CSNK1G1: variants seen among roughly 807,000 people sequenced by gnomAD.
CSNK1G1 encodes the protein casein kinase 1 gamma 1.
CSNK1G1 carries 22 observed loss-of-function variants against 59.6 expected under a neutral mutation model. The ratio of observed to expected loss-of-function variants is 0.37; its 90% CI spans 0.26 to 0.53. The LOEUF (loss-of-function observed/expected upper bound fraction) is 0.53, where lower values mean the gene tolerates loss of function less well. Ranked by LOEUF, CSNK1G1 falls within the 20% of genes least tolerant of loss-of-function variation. The probability of loss-of-function intolerance (pLI) is 0.89; values close to 1 mark genes in which losing one functional copy is unlikely to be tolerated. For missense variants in CSNK1G1, 384 were observed against 519.5 expected, an observed-to-expected ratio of 0.74 and a Z score of 2.54; for synonymous variants, 179 against 177.1, an observed-to-expected ratio of 1.01 and a Z score of -0.08.
At chr15:64,308,668 G>A (rs1057286871) in intron 1 of CSNK1G1, among the ~76,000 whole-genome samples, 8 of 151,932 alleles carry the variant, frequency 5.3e-5, no homozygotes, top group African/African-American at 7.3e-5. Context: ...AGGCCGAGGC[G>A]GGTGGATCAC....
At chr15:64,325,632 T>C (rs1431000919) in intron 1 of CSNK1G1, among the ~76,000 whole-genome samples, 1 of 152,208 alleles carries the variant, frequency 6.6e-6, no homozygotes, top group Non-Finnish European at 1.5e-5. Flanking sequence ...TTAACTATTA[T>C]AACTTTAGGC....
intron 4 of CSNK1G1, among the ~76,000 whole-genome samples, chr15:64,247,777 T>C (rs1891835024): frequency 6.6e-6 from 1 of 152,164 alleles, no homozygotes; most frequent in African/African-American, 2.4e-5. Flanking sequence ...CTGAAGAAAA[T>C]GGTCATAGTC....
Position 64,166,105 on chromosome 15 carries a change from G to C in CSNK1G1, c.*5826C>G, listed in dbSNP as rs1412679366. 1 of 599,744 alleles carries C rather than the reference G, an allele frequency of 1.7e-6. No individual in the cohort carries two copies. The highest frequency in any genetic ancestry group is 3.0e-5 in the East Asian group (1 of 33,408). The allele number at this position is 599,744 out of a possible 1,614,324, so 37.2% of individuals were successfully genotyped here. A position where few individuals can be genotyped will look rare whatever the true frequency, so the allele number is the denominator to read the frequency against. On this transcript the variant is annotated 3_prime_UTR_variant, in exon 12 of 12. Transcript: ENST00000303052. This position sits in a 1 kb window ranked among gnomAD's most constrained non-coding sequence, Gnocchi z 4.5. ...TCTAAAAAAAAAAAAAGTAAAAAAA[G>C]AGGCATTTAACAATAATCAGACACA... is the stretch of plus-strand genomic sequence containing the variant.
At chr15:64,333,876 T>C (rs1251629024) in intron 1 of CSNK1G1, among the ~76,000 whole-genome samples, 1 of 152,158 alleles carries the variant, frequency 6.6e-6, no homozygotes, top group East Asian at 1.9e-4. Flanking sequence ...ATGTACCTAA[T>C]TCTGGAGCAT....
chr15:64,232,113 G>A (rs1471281283), intron 4 of CSNK1G1, among the ~76,000 whole-genome samples: 1 of 152,164 alleles, frequency 6.6e-6, no homozygotes, highest in Non-Finnish European at 1.5e-5. Flanking sequence ...ATAAAGAAAA[G>A]AAAATGCAGA....
chr15:64,225,753 A>G (rs1299809460), intron 4 of CSNK1G1, among the ~76,000 whole-genome samples: 1 of 152,098 alleles, frequency 6.6e-6, no homozygotes, highest in Non-Finnish European at 1.5e-5. Context: ...CAGCCTCCCA[A>G]GTAACTGGGA....
chr15:64,334,479 A>G (rs995021870), intron 1 of CSNK1G1, among the ~76,000 whole-genome samples: 5 of 152,138 alleles, frequency 3.3e-5, no homozygotes, highest in African/African-American at 1.2e-4. Flanking sequence ...TTATTATTAC[A>G]TTGTACTATG....
At chr15:64,291,836 T>C (rs2140386395) in intron 2 of CSNK1G1, among the ~76,000 whole-genome samples, 1 of 152,250 alleles carries the variant, frequency 6.6e-6, no homozygotes, top group African/African-American at 2.4e-5. Flanking sequence ...CTGCTTTAGA[T>C]AGTATTCATC....
At chr15:64,235,922 G>A (rs751209670) in intron 4 of CSNK1G1, among the ~76,000 whole-genome samples, 13 of 152,026 alleles carry the variant, frequency 8.6e-5, no homozygotes, top group Non-Finnish European at 1.3e-4. Flanking sequence ...CTATCCATAG[G>A]GAACATAACA....
intron 1 of CSNK1G1, among the ~76,000 whole-genome samples, chr15:64,338,871 G>C (rs914795385): frequency 6.6e-6 from 1 of 151,878 alleles, no homozygotes; most frequent in African/African-American, 2.4e-5. Context: ...TACAAAATTA[G>C]CCAAGGATGG....
At chr15:64,243,062 G>A (rs1441459770) in intron 4 of CSNK1G1, among the ~76,000 whole-genome samples, 3 of 152,036 alleles carry the variant, frequency 2.0e-5, no homozygotes, top group Admixed American at 6.6e-5. Context: ...TCGGCTGGGC[G>A]CGGTGGCTCT....
chr15:64,336,010 G>A (rs796550553), intron 1 of CSNK1G1: 1 of 152,238 alleles, frequency 6.6e-6, no homozygotes, highest in African/African-American at 2.4e-5. Flanking sequence ...AATTTATGGA[G>A]CATGAATGAA....
At chr15:64,278,585 C>A (rs554153249) in intron 2 of CSNK1G1, among the ~76,000 whole-genome samples, 1 of 152,120 alleles carries the variant, frequency 6.6e-6, no homozygotes, top group Non-Finnish European at 1.5e-5. Flanking sequence ...CAGGCCACCA[C>A]ACCTGGCTAA....
At chr15:64,283,639 G>A (rs539482716) in intron 2 of CSNK1G1, among the ~76,000 whole-genome samples, 6 of 146,308 alleles carry the variant, frequency 4.1e-5, no homozygotes, top group African/African-American at 1.3e-4. Flanking sequence ...GCACACCAAC[G>A]CACCCAGCTA....
chr15:64,331,906 A>C (rs1897130345), intron 1 of CSNK1G1, among the ~76,000 whole-genome samples: 2 of 149,422 alleles, frequency 1.3e-5, no homozygotes, highest in South Asian at 2.1e-4. Context: ...TTATGCAGCC[A>C]AAAAACACAT....
At position 64,281,040 on chromosome 15, in the gene CSNK1G1, C is replaced by T. The variant is rs142991373; in HGVS notation, c.181+19279G>A. 2.2e-4 allele frequency among the ~76,000 whole-genome samples: 33 copies of T among 151,998 alleles called. No individual in the cohort carries two copies. In the South Asian group the frequency reaches 2.5e-3, roughly 12 times the overall value. On this transcript the variant is annotated intron_variant, in intron 2 of 11. Coordinates refer to ENST00000303052, the MANE Select transcript of CSNK1G1 (RefSeq NM_022048.5). ...GACTACAGGCACCCGCCACCACGCC[C>T]GGCTAATTTTTTGTATTTTTAGTAG...
At chr15:64,266,323 G>A (rs908878286) in intron 2 of CSNK1G1, among the ~76,000 whole-genome samples, 4 of 151,790 alleles carry the variant, frequency 2.6e-5, no homozygotes, top group East Asian at 1.9e-4. Context: ...TGATCCACCC[G>A]CCTTGGCCTC....
intron 4 of CSNK1G1, among the ~76,000 whole-genome samples, chr15:64,228,765 G>C (rs970952042): frequency 6.6e-6 from 1 of 152,096 alleles, no homozygotes; most frequent in South Asian, 2.1e-4. Context: ...CCCATAATCC[G>C]AACAGTCTGG....
At chr15:64,264,431 G>A (rs1405236975) in intron 2 of CSNK1G1, among the ~76,000 whole-genome samples, 1 of 152,128 alleles carries the variant, frequency 6.6e-6, no homozygotes. Flanking sequence ...CTTCACTGCT[G>A]AATTCTATCC....
Sources: allele counts gnomAD v4.1 joint callset (sites outside exome capture counted in the v4.1 genomes callset), GRCh38; gene constraint gnomAD v4.1.1; non-coding constraint Gnocchi (gnomAD v3.1); transcripts MANE v1.5; gene names NCBI Gene and HGNC (gene_info 2026-07-23, HGNC 2026-07-21).